The following CFDP1 variants were observed in gnomAD, a reference collection of about 807,000 sequenced individuals.
CFDP1 encodes heterochromatin-stabilizing protein CFDP1.
Under a neutral mutation model 40.1 loss-of-function variants are expected in CFDP1, and 31 were observed. The observed-to-expected ratio is 0.77, with a 90% CI of 0.58 to 1.04. The LOEUF (loss-of-function observed/expected upper bound fraction) is 1.04. Ranked by LOEUF, CFDP1 falls within the 50% of genes least tolerant of loss-of-function variation. CFDP1 has a pLI of 0.00. For synonymous variants in CFDP1, 167 were observed against 120.0 expected, an observed-to-expected ratio of 1.39 and a Z score of -2.56; for missense variants, 423 against 343.4, an observed-to-expected ratio of 1.23 and a Z score of -1.83.
In CFDP1 at chr16:75,293,955, A is replaced by C; in HGVS notation, c.897T>G (p.Pro299=). Residue 299 remains proline (P), a synonymous_variant, in exon 7 of 7, where the codon CCT becomes CCG. Transcript: ENST00000283882. The part of the protein sequence containing the change: ...ERDLRLSKMK[P] Reference sequence around the variant, plus strand: ...GCTCTTGATTTAGCCCGTAACATCAAGGTTTCATTTTGCTCAGCCTGAGAT... The same window carrying C: ...GCTCTTGATTTAGCCCGTAACATCACGGTTTCATTTTGCTCAGCCTGAGAT... 2 of 1,613,736 alleles carry C rather than the reference A, an allele frequency of 1.2e-6. No individual in the cohort carries two copies. Among genetic ancestry groups the C allele is most frequent in the South Asian group, 1.1e-5 (1 of 91,074 alleles).
At chr16:75,294,555 T>A (rs892718858) in intron 6 of CFDP1, among the ~76,000 whole-genome samples, 10 of 152,150 alleles carry the variant, frequency 6.6e-5, no homozygotes, top group African/African-American at 2.4e-4. Context: ...ACAGTAAAAA[T>A]GACCTCACAG....
At chr16:75,376,317 A>C (rs972078056) in intron 5 of CFDP1, among the ~76,000 whole-genome samples, 3 of 152,218 alleles carry the variant, frequency 2.0e-5, no homozygotes, top group African/African-American at 7.2e-5. Flanking sequence ...ATAAAAACAT[A>C]TGTCTTCAAA....
At chr16:75,380,706 T>C (rs553692966) in intron 5 of CFDP1, among the ~76,000 whole-genome samples, 1 of 152,278 alleles carries the variant, frequency 6.6e-6, no homozygotes, top group Non-Finnish European at 1.5e-5. Context: ...TTCAAAATTA[T>C]ACTTTCAATT....
chr16:75,299,511 C>T (rs1296552140), intron 6 of CFDP1, among the ~76,000 whole-genome samples: 3 of 151,460 alleles, frequency 2.0e-5, no homozygotes, highest in Admixed American at 6.6e-5. Flanking sequence ...AGGAGAATGG[C>T]GTGAACCCGG....
At chr16:75,304,567 AC>A (rs1349107889) in intron 6 of CFDP1, among the ~76,000 whole-genome samples, 2 of 152,214 alleles carry the variant, frequency 1.3e-5, no homozygotes, top group East Asian at 3.9e-4. Context: ...GTAAAGCCCC[AC>A]CCCAGGCCAT....
intron 5 of CFDP1, among the ~76,000 whole-genome samples, chr16:75,369,688 G>A (rs1004665850): frequency 6.6e-6 from 1 of 152,178 alleles, no homozygotes. Flanking sequence ...TCAACAGCAG[G>A]TTAAGGAACC....
At chr16:75,393,428 A>G (rs1276595738) in intron 5 of CFDP1, among the ~76,000 whole-genome samples, 2 of 152,100 alleles carry the variant, frequency 1.3e-5, no homozygotes, top group Non-Finnish European at 2.9e-5. Context: ...GGCTGCAAAG[A>G]TGGGGAAGGC....
chr16:75,364,060 G>C (rs957597632), intron 5 of CFDP1, among the ~76,000 whole-genome samples: 2 of 151,658 alleles, frequency 1.3e-5, no homozygotes, highest in African/African-American at 2.4e-5. Context: ...AATTTAGATT[G>C]GAGATGTGTC....
At chr16:75,347,535 T>C (rs1440817643) in intron 5 of CFDP1, among the ~76,000 whole-genome samples, 2 of 151,200 alleles carry the variant, frequency 1.3e-5, no homozygotes, top group Non-Finnish European at 2.9e-5. Context: ...AAAAATTAGC[T>C]GAGTGCAGTG....
chr16:75,316,288 T>C lies in CFDP1; in HGVS notation c.651-11106A>G, dbSNP rs1483877372. ...TAATTAATTTGTAATTCATGTATAA[T>C]ATGTGAGATAATACTCTCAGGAAGT... On this transcript the variant is annotated intron_variant, in intron 5 of 6. Transcript: ENST00000283882. Among the ~76,000 whole-genome samples, 3 of 152,306 alleles carry C rather than the reference T, an allele frequency of 2.0e-5. No homozygotes were observed. The East Asian group carries it at 5.8e-4, about 29-fold the overall frequency.
intron 4 of CFDP1, among the ~76,000 whole-genome samples, chr16:75,404,445 T>G (rs1225115787): frequency 6.6e-6 from 1 of 151,814 alleles, no homozygotes; most frequent in Non-Finnish European, 1.5e-5. Context: ...ATGGTCTCGA[T>G]CTCCTGACCC....
intron 5 of CFDP1, among the ~76,000 whole-genome samples, chr16:75,314,876 C>A (rs2078314520): frequency 1.3e-5 from 2 of 152,146 alleles, no homozygotes; most frequent in Non-Finnish European, 2.9e-5. Context: ...CTCAGCCTCC[C>A]ACATAGCTGG....
intron 5 of CFDP1, among the ~76,000 whole-genome samples, chr16:75,319,727 T>C (rs1053512162): frequency 6.6e-6 from 1 of 152,148 alleles, no homozygotes; most frequent in Non-Finnish European, 1.5e-5. Flanking sequence ...AAAGCTGGGA[T>C]ATGGCATCAT....
At chr16:75,332,794 T>C (rs1309958365) in intron 5 of CFDP1, among the ~76,000 whole-genome samples, 2 of 151,134 alleles carry the variant, frequency 1.3e-5, no homozygotes, top group South Asian at 2.1e-4. Context: ...TGCCTATTCA[T>C]GTTCTTTTTT....
At chr16:75,414,842 T>C (rs2079191058) in intron 1 of CFDP1, 147 bp from the exon 2 acceptor site, 2 of 614,150 alleles carry the variant, frequency 3.3e-6, no homozygotes, top group Admixed American at 2.8e-5. Flanking sequence ...GAAAACATCA[T>C]TTCCTTGGGG....
In CFDP1 at chr16:75,293,801, T is replaced by C; in HGVS notation, c.*151A>G. Reference sequence around the variant, plus strand: ...AAAGTAAAGTGAATGAAACCATTTGTGATTAAGATACATAGACAGAACTTC... The same window carrying C: ...AAAGTAAAGTGAATGAAACCATTTGCGATTAAGATACATAGACAGAACTTC... On this transcript the variant is annotated 3_prime_UTR_variant, in exon 7 of 7. Coordinates refer to ENST00000283882, the MANE Select transcript of CFDP1 (RefSeq NM_006324.3). The C allele has an allele frequency of 1.6e-6, 1 of 608,558 alleles. No individual in the cohort carries two copies. Among genetic ancestry groups the C allele is most frequent in the South Asian group, 2.2e-5 (1 of 46,342 alleles). The allele number at this position is 608,558 out of a possible 1,614,324, so 37.7% of individuals were successfully genotyped here.
intron 6 of CFDP1, among the ~76,000 whole-genome samples, chr16:75,297,585 C>T (rs1597315114): frequency 1.3e-5 from 2 of 152,194 alleles, no homozygotes; most frequent in Admixed American, 6.5e-5. Flanking sequence ...CTGGCCTGTG[C>T]GCAGCCCTTT....
Position 75,338,238 on chromosome 16 carries a change from T to TG in CFDP1, c.651-33057dup, listed in dbSNP as rs945572291. ...TCTCACTCTTGGGGAATGTGAAGCA[T>TG]GGGGGGGAAAAAGAGCCTCTGCCTG... is the stretch of plus-strand genomic sequence containing the variant. On this transcript the variant is annotated intron_variant, in intron 5 of 6. Coordinates refer to ENST00000283882, the MANE Select transcript of CFDP1 (RefSeq NM_006324.3). Among the ~76,000 whole-genome samples the TG allele has an allele frequency of 5.5e-4, 83 of 152,012 alleles. 1 individual carries two copies. The highest frequency in any genetic ancestry group is 1.7e-3 in the African/African-American group (72 of 41,438).
chr16:75,348,273 G>A (rs1248984065), intron 5 of CFDP1, among the ~76,000 whole-genome samples: 3 of 152,138 alleles, frequency 2.0e-5, no homozygotes, highest in African/African-American at 7.2e-5. Flanking sequence ...TGGGACTGCA[G>A]GTGTGAACCA....
Sources: allele counts gnomAD v4.1 joint callset (sites outside exome capture counted in the v4.1 genomes callset), GRCh38; gene constraint gnomAD v4.1.1; transcripts MANE v1.5; gene names NCBI Gene and HGNC (gene_info 2026-07-23, HGNC 2026-07-21).